Variants in ARID1B observed in about 807,000 individuals in gnomAD.
ARID1B encodes the protein AT-rich interaction domain 1B, also known as AT-rich interactive domain-containing protein 1B.
A neutral mutation model predicts 212.3 loss-of-function variants in ARID1B; 30 were observed. The ratio of observed to expected loss-of-function variants is 0.14; its 90% CI spans 0.11 to 0.19. The LOEUF is 0.19. Ranked by LOEUF, ARID1B falls within the 10% of genes least tolerant of loss-of-function variation. The pLI, the probability that ARID1B is intolerant of heterozygous loss-of-function variation, is 1.00. For synonymous variants in ARID1B, 1,402 were observed against 1,301.7 expected, an observed-to-expected ratio of 1.08 and a Z score of -1.66; for missense variants, 2,891 against 3,204.0, an observed-to-expected ratio of 0.90 and a Z score of 2.36.
At chr6:156,844,815 G>A (rs1209792212) in intron 2 of ARID1B, among the ~76,000 whole-genome samples, 1 of 152,124 alleles carries the variant, frequency 6.6e-6, no homozygotes, top group Non-Finnish European at 1.5e-5. Flanking sequence ...TTGAGTCATG[G>A]ACTGCAAGTA....
intron 2 of ARID1B, among the ~76,000 whole-genome samples, chr6:156,841,281 A>AC (rs1783882464): frequency 6.6e-6 from 1 of 151,526 alleles, no homozygotes; most frequent in Admixed American, 6.5e-5. Context: ...CATTATGCAT[A>AC]CACTGCATCG....
At chr6:156,912,738 C>G (rs2128227986) in intron 3 of ARID1B, among the ~76,000 whole-genome samples, 1 of 152,304 alleles carries the variant, frequency 6.6e-6, no homozygotes, top group African/African-American at 2.4e-5. Context: ...CACACTCTGC[C>G]AGAAATCTCC....
At chr6:157,146,952 A>T (rs1223500836) in intron 7 of ARID1B, among the ~76,000 whole-genome samples, 2 of 152,110 alleles carry the variant, frequency 1.3e-5, no homozygotes, top group East Asian at 1.9e-4. Context: ...CTTCAGTACT[A>T]ATCTTCTAGC....
chr6:156,944,654 T>A (rs546490323), intron 4 of ARID1B, among the ~76,000 whole-genome samples: 4 of 152,136 alleles, frequency 2.6e-5, no homozygotes, highest in Non-Finnish European at 5.9e-5. Flanking sequence ...TGGCAGTTGC[T>A]TTTCATTTCT....
chr6:156,870,080 G>A (rs1272307737), intron 2 of ARID1B: 2 of 152,210 alleles, frequency 1.3e-5, no homozygotes, highest in East Asian at 1.9e-4. Context: ...TAGCCATTCC[G>A]ATGGTCCGGT....
chr6:157,056,263 T>C (rs904635057), intron 4 of ARID1B, among the ~76,000 whole-genome samples: 1 of 152,200 alleles, frequency 6.6e-6, no homozygotes, highest in Non-Finnish European at 1.5e-5. Flanking sequence ...CCTCAGATTT[T>C]AGAGATACAA....
At chr6:157,170,214 T>G (rs1437971826) in intron 9 of ARID1B, 1 of 152,212 alleles carries the variant, frequency 6.6e-6, no homozygotes, top group African/African-American at 2.4e-5. Context: ...CTCAACAGTC[T>G]CCTGGCAGAT....
At chr6:157,138,626 C>T (rs935852648) in intron 7 of ARID1B, among the ~76,000 whole-genome samples, 1 of 152,132 alleles carries the variant, frequency 6.6e-6, no homozygotes, top group African/African-American at 2.4e-5. Context: ...AAAAGACTTC[C>T]CCTGGATGGT....
At chr6:157,114,880 C>T (rs1486757769) in intron 6 of ARID1B, among the ~76,000 whole-genome samples, 1 of 152,196 alleles carries the variant, frequency 6.6e-6, no homozygotes, top group Non-Finnish European at 1.5e-5. Context: ...GGCAGTGATG[C>T]TGGCAACACT....
At position 156,969,521 on chromosome 6, in the gene ARID1B, G is replaced by A. The variant is rs112328429; in HGVS notation, c.2247+33945G>A. 6.1e-3 allele frequency among the ~76,000 whole-genome samples: 933 copies of A among 152,258 alleles called. 13 individuals carry two copies. The highest frequency in any genetic ancestry group is 0.022 in the African/African-American group (897 of 41,526). On this transcript the variant is annotated intron_variant, in intron 4 of 19. Coordinates refer to ENST00000636930, the MANE Select transcript of ARID1B (RefSeq NM_001374828.1). ...CTACTGAACACATGGTAGACATGGCGAGCCACATTTATTTGCATTTACTGA... is the reference window on the plus strand; with the variant it reads ...CTACTGAACACATGGTAGACATGGCAAGCCACATTTATTTGCATTTACTGA...
intron 4 of ARID1B, chr6:157,036,835 G>A (rs1299116415): frequency 2.0e-6 from 1 of 500,472 alleles, no homozygotes; most frequent in Admixed American, 2.3e-5. Flanking sequence ...ATGATTTCAG[G>A]TTGAAGTCTT....
At chr6:156,891,006 A>T (rs1310713462) in intron 2 of ARID1B, among the ~76,000 whole-genome samples, 2 of 152,170 alleles carry the variant, frequency 1.3e-5, no homozygotes, top group African/African-American at 4.8e-5. Flanking sequence ...CTCATTTGGG[A>T]ACTTAGCTTA....
chr6:156,781,391 T>G (rs933270393), intron 1 of ARID1B, among the ~76,000 whole-genome samples: 1 of 152,102 alleles, frequency 6.6e-6, no homozygotes, highest in African/African-American at 2.4e-5. Flanking sequence ...CTGGGTGTCT[T>G]TTTTTCCAAA....
chr6:156,908,913 A>T (rs1789628953), intron 3 of ARID1B, among the ~76,000 whole-genome samples: 1 of 152,108 alleles, frequency 6.6e-6, no homozygotes, highest in Admixed American at 6.5e-5. Flanking sequence ...GAATATACAG[A>T]TACACAGAAT....
chr6:157,169,737 A>G (rs1056876365), intron 9 of ARID1B: 2 of 152,210 alleles, frequency 1.3e-5, no homozygotes, highest in African/African-American at 2.4e-5. Flanking sequence ...TCTAAATTCC[A>G]AAAACTTTAT....
chr6:156,883,578 G>A (rs1051128809), intron 2 of ARID1B, among the ~76,000 whole-genome samples: 2 of 152,062 alleles, frequency 1.3e-5, no homozygotes, highest in African/African-American at 2.4e-5. Flanking sequence ...CCTCTCCAGC[G>A]TGAGCCTGAC....
intron 4 of ARID1B, among the ~76,000 whole-genome samples, chr6:157,081,493 A>T (rs965153369): frequency 6.6e-6 from 1 of 152,254 alleles, no homozygotes; most frequent in Non-Finnish European, 1.5e-5. Context: ...GTGAGTGTGT[A>T]ACAGTAATAT....
chr6:156,833,782 C>T (rs1447201100), intron 2 of ARID1B, among the ~76,000 whole-genome samples: 3 of 152,050 alleles, frequency 2.0e-5, no homozygotes, highest in Non-Finnish European at 4.4e-5. Context: ...AACAGGTTTC[C>T]TTGAAGAGGG....
intron 1 of ARID1B, among the ~76,000 whole-genome samples, chr6:156,789,807 C>T (rs895753299): frequency 6.6e-6 from 1 of 152,152 alleles, no homozygotes; most frequent in Non-Finnish European, 1.5e-5. Flanking sequence ...GTGGTTTCCT[C>T]ATTTGTCAAA....
Sources: gnomAD v4.1 joint callset for allele counts (sites outside exome capture counted in the v4.1 genomes callset) on GRCh38, gnomAD v4.1.1 for gene constraint, MANE v1.5 for transcripts, NCBI Gene and HGNC (gene_info 2026-07-23, HGNC 2026-07-21) for gene names.